Variants in CYP4V2 observed in about 807,000 individuals in gnomAD.
CYP4V2 encodes the protein cytochrome P450 4V2.
In CYP4V2, 55 loss-of-function variants were observed where a neutral mutation model predicts 60.8. The observed-to-expected ratio is 0.90, with a 90% confidence interval of 0.73 to 1.13. The LOEUF (loss-of-function observed/expected upper bound fraction) is 1.13, where lower values mean the gene tolerates loss of function less well. CYP4V2 is among the 50% of genes most tolerant of loss of function. The probability of loss-of-function intolerance (pLI) is 0.00; values close to 1 mark genes in which losing one functional copy is unlikely to be tolerated. For synonymous variants in CYP4V2, 239 were observed against 236.8 expected (o/e 1.01, Z -0.08); for missense variants, 675 against 662.9 (o/e 1.02, Z -0.20).
At chr4:186,209,028 G>C (rs949549451) in intron 9 of CYP4V2, 29 bp downstream of exon 9, 2 of 1,614,150 alleles carry the variant, frequency 1.2e-6, no homozygotes, top group Admixed American at 3.3e-5. Flanking sequence ...AAGTAGAAGG[G>C]AGAGGGAAAC....
At position 186,208,910 on chromosome 4, in the gene CYP4V2, GGT is replaced by G; in HGVS notation, c.1137_1138del (p.Tyr380SerfsTer6). 1 of 1,614,124 alleles carries G rather than the reference GGT, an allele frequency of 6.2e-7. No homozygotes were observed. The highest frequency in any genetic ancestry group is 8.5e-7 in the Non-Finnish European group (1 of 1,180,012). On this transcript the variant is annotated frameshift_variant, in exon 9 of 11. Coordinates refer to ENST00000378802, the MANE Select transcript of CYP4V2 (RefSeq NM_207352.4). LOFTEE classifies it high-confidence loss of function. ...ACAGTAGAAGACCTGAAGAAACTTCGGTATCTGGAATGTGTTATTAAGGAGAC... is the reference window on the plus strand; with the variant it reads ...ACAGTAGAAGACCTGAAGAAACTTCGATCTGGAATGTGTTATTAAGGAGAC...
At position 186,195,463 on chromosome 4, in the gene CYP4V2, T is replaced by C. The variant is rs188582447; in HGVS notation, c.328-540T>C. On this transcript the variant is annotated intron_variant, in intron 2 of 10. Transcript: ENST00000378802. The surrounding 1 kb of genome is among the most constrained non-coding windows in gnomAD (Gnocchi z 4.1). ...ACCCTGTGCTCAGCCCTAGACCCCA[T>C]CCCTCCTCCCACTTCACGTGGACTC... Among the ~76,000 whole-genome samples, 499 of 152,274 alleles carry C rather than the reference T, an allele frequency of 3.3e-3. 3 individuals carry two copies. The highest frequency in any genetic ancestry group is 8.6e-3 in the African/African-American group (357 of 41,568).
chr4:186,210,176 A>G (rs916411112), intron 10 of CYP4V2, among the ~76,000 whole-genome samples: 11 of 152,178 alleles, frequency 7.2e-5, no homozygotes, highest in Non-Finnish European at 1.0e-4. Flanking sequence ...TAAATGAAAG[A>G]CCCACTAAGA....
intron 6 of CYP4V2, 54 bp downstream of exon 6, chr4:186,199,137 C>T: frequency 1.9e-6 from 3 of 1,569,676 alleles, no homozygotes; most frequent in Non-Finnish European, 2.6e-6. Flanking sequence ...TAAAATTTCC[C>T]TTTATAACCA....
intron 8 of CYP4V2, among the ~76,000 whole-genome samples, chr4:186,208,110 C>T (rs985850882): frequency 6.7e-6 from 1 of 150,236 alleles, no homozygotes; most frequent in African/African-American, 2.5e-5. Context: ...CCTTGATCCA[C>T]GTGTTCTTCT....
chr4:186,196,347 C>T (rs1400354516), intron 3 of CYP4V2: 1 of 515,534 alleles, frequency 1.9e-6, no homozygotes, highest in Non-Finnish European at 3.5e-6. Flanking sequence ...CTCAGGAGGT[C>T]CTGATGGACG....
Position 186,210,833 on chromosome 4 carries a change from TTCTTTA to T in CYP4V2, c.*194_*199del, listed in dbSNP as rs1214143871. ...AGTTTTGTATTTTCTTTTTTCTTTT[TTCTTTA>T]TTTTTTTTTTTTGAAACCGTGTCTC... On this transcript the variant is annotated 3_prime_UTR_variant, in exon 11 of 11. Coordinates refer to ENST00000378802, the MANE Select transcript of CYP4V2 (RefSeq NM_207352.4). The T allele has an allele frequency of 6.5e-5, 46 of 709,460 alleles. No individual in the cohort carries two copies. The highest frequency in any genetic ancestry group is 3.7e-4 in the East Asian group (13 of 35,486). The allele number at this position is 709,460 out of a possible 1,614,324, so 43.9% of individuals were successfully genotyped here.
intron 10 of CYP4V2, among the ~76,000 whole-genome samples, chr4:186,210,115 TG>T (rs1736658747): frequency 6.6e-6 from 1 of 152,196 alleles, no homozygotes; most frequent in Admixed American, 6.5e-5. Flanking sequence ...ATCGGTAAAA[TG>T]AGGCCAGAGT....
At chr4:186,197,825 GATTAC>G (rs1278981549) in intron 5 of CYP4V2, among the ~76,000 whole-genome samples, 3 of 152,102 alleles carry the variant, frequency 2.0e-5, no homozygotes, top group South Asian at 2.1e-4. Flanking sequence ...CTAACATTGA[GATTAC>G]ATTATATTGT....
chr4:186,192,067 A>G (rs774390457), intron 1 of CYP4V2, 30 bp downstream of exon 1: 18 of 1,546,920 alleles, frequency 1.2e-5, no homozygotes, highest in East Asian at 4.8e-5. Context: ...CTGGAGCGCA[A>G]CGGGGTCCGC....
intron 10 of CYP4V2, 80 bp downstream of exon 10, chr4:186,209,352 A>C: frequency 6.4e-7 from 1 of 1,561,208 alleles, no homozygotes; most frequent in African/African-American, 1.4e-5. Flanking sequence ...TTGAGATGTG[A>C]TGTGACATTG....
In CYP4V2 at chr4:186,206,284, T is replaced by G. The variant is rs1377603038; in HGVS notation, c.1090+982T>G. On this transcript the variant is annotated intron_variant, in intron 8 of 10. Transcript: ENST00000378802. ...TACTTGTGACATACTTGTGATGGCGTTCAGGGCTCACCTGGATAATCTACC... is the reference window on the plus strand; with the variant it reads ...TACTTGTGACATACTTGTGATGGCGGTCAGGGCTCACCTGGATAATCTACC... Among the ~76,000 whole-genome samples, 11 of 152,168 alleles carry G rather than the reference T, an allele frequency of 7.2e-5. No individual in the cohort carries two copies. In the East Asian group the frequency reaches 2.1e-3, roughly 29 times the overall value.
intron 4 of CYP4V2, 130 bp downstream of exon 4, chr4:186,197,260 G>T: frequency 8.7e-7 from 1 of 1,151,978 alleles, no homozygotes; most frequent in Non-Finnish European, 1.3e-6. Context: ...GCGGTTCTAC[G>T]ACCGCACTGG....
chr4:186,203,264 C>G (rs1476343079), intron 7 of CYP4V2: 1 of 152,484 alleles, frequency 6.6e-6, no homozygotes, highest in East Asian at 1.9e-4. Context: ...CAGAACCAGA[C>G]TAATGATTTT....
At chr4:186,197,212 C>A in intron 4 of CYP4V2, 82 bp downstream of exon 4, 1 of 1,505,434 alleles carries the variant, frequency 6.6e-7, no homozygotes, top group Non-Finnish European at 9.2e-7. Flanking sequence ...ACCGGGAAGG[C>A]AAATGGGGGG....
chr4:186,204,384 C>CTGGCGTAAGCTGGCGGTGGAGACGT (rs1561435647), intron 7 of CYP4V2: 1 of 78,224 alleles, frequency 1.3e-5, no homozygotes, highest in East Asian at 2.7e-4. Context: ...GGTGGAGGCG[C>CTGGCGTAAGCTGGCGGTGGAGACGT]TACGCTGGCG....
chr4:186,194,337 G>A (rs189095281), intron 1 of CYP4V2, among the ~76,000 whole-genome samples, 163 bp from the exon 2 acceptor site: 1 of 152,298 alleles, frequency 6.6e-6, no homozygotes, highest in Admixed American at 6.5e-5. Flanking sequence ...CAGAAAAGTT[G>A]CAGTATTACA....
chr4:186,192,191 C>T lies in CYP4V2; in HGVS notation c.214+154C>T, dbSNP rs1344849125. On this transcript the variant is annotated intron_variant, in intron 1 of 10. Transcript: ENST00000378802. ...GCACTCCCAGTTCTAGTCGTTGCCCCTTGGCACCCGCCGACACTGCTAGTG... is the reference window on the plus strand; with the variant it reads ...GCACTCCCAGTTCTAGTCGTTGCCCTTTGGCACCCGCCGACACTGCTAGTG... The T allele has an allele frequency of 8.9e-6, 9 of 1,005,896 alleles. No individual in the cohort carries two copies. The East Asian group carries it at 2.3e-4, about 26-fold the overall frequency. The allele number at this position is 1,005,896 out of a possible 1,614,324, so 62.3% of individuals were successfully genotyped here.
rs753142235 is a variant in CYP4V2 at position 186,191,899 on chromosome 4, G to A, written c.76G>A (p.Gly26Ser). The change falls in exon 1 of 11, where the codon GGC becomes AGC. Residue 26 changes from glycine (G) to serine (S), a missense_variant. Transcript: ENST00000378802. The stretch of plus-strand genomic sequence containing the variant: ...CGCGGCGAGTGCCCTTTCCCTGGCC[G>A]GCGCCAGTCTGGTCCTGAGCCTGCT... ...WGAASALSLA[G>S]ASLVLSLLQR... 5 of 1,591,640 alleles carry A rather than the reference G, an allele frequency of 3.1e-6. No individual in the cohort carries two copies. The African/African-American group carries it at 4.0e-5, about 13-fold the overall frequency.
Sources: gnomAD v4.1 joint callset for allele counts (sites outside exome capture counted in the v4.1 genomes callset) on GRCh38, gnomAD v4.1.1 for gene constraint, Gnocchi (gnomAD v3.1) non-coding constraint, MANE v1.5 for transcripts, NCBI Gene and HGNC (gene_info 2026-07-23, HGNC 2026-07-21) for gene names.